Variants in DGKB observed in about 807,000 individuals in gnomAD.
DGKB encodes the protein diacylglycerol kinase beta.
DGKB carries 67 observed loss-of-function variants against 114.3 expected under a neutral mutation model. That is an observed-to-expected ratio of 0.59 (90% CI 0.48 to 0.72). The LOEUF (loss-of-function observed/expected upper bound fraction) is 0.72, where lower values mean the gene tolerates loss of function less well. Ranked by LOEUF, DGKB falls within the 30% of genes least tolerant of loss-of-function variation. DGKB has a pLI of 0.00. For missense variants in DGKB, 907 were observed against 975.2 expected (o/e 0.93, Z 0.93); for synonymous variants, 398 against 323.1 (o/e 1.23, Z -2.49).
chr7:14,160,048 T>G (rs1477111610), intron 25 of DGKB, among the ~76,000 whole-genome samples: 2 of 152,132 alleles, frequency 1.3e-5, no homozygotes, highest in Non-Finnish European at 1.5e-5. Flanking sequence ...TCATGTTTAA[T>G]AATAGCTATT....
At chr7:14,769,111 AAGAAAGAAAGAAAGAG>A (rs1320453823) in intron 2 of DGKB, among the ~76,000 whole-genome samples, 1,875 of 129,490 alleles carry the variant, frequency 0.014, 54 homozygotes, top group East Asian at 0.047. Context: ...GAAAGAAAGA[AAGAAAGAAAGAAAGAG>A]AGAGAGAGAA....
intron 23 of DGKB, among the ~76,000 whole-genome samples, chr7:14,257,060 G>T (rs567484755): frequency 1.3e-5 from 2 of 152,166 alleles, no homozygotes; most frequent in East Asian, 3.9e-4. Flanking sequence ...CTATTGGGGT[G>T]GCTGAGGTGG....
upstream of DGKB, among the ~76,000 whole-genome samples, chr7:14,907,998 T>C (rs1449227486): frequency 2.0e-4 from 31 of 152,212 alleles, no homozygotes; most frequent in African/African-American, 2.4e-5. Context: ...ATTGTAGTTG[T>C]CCAACTGAAG....
chr7:14,362,127 T>G (rs1815867709), intron 21 of DGKB, among the ~76,000 whole-genome samples: 1 of 152,058 alleles, frequency 6.6e-6, no homozygotes, highest in Non-Finnish European at 1.5e-5. Context: ...ACTGTCGTTT[T>G]GTACCAATCA....
chr7:14,308,744 G>A (rs1305406296), intron 23 of DGKB, among the ~76,000 whole-genome samples: 2 of 152,180 alleles, frequency 1.3e-5, no homozygotes, highest in Admixed American at 1.3e-4. Context: ...AACCTGATGG[G>A]AAGCTTAAGT....
At chr7:14,478,423 T>G (rs1782514065) in intron 20 of DGKB, among the ~76,000 whole-genome samples, 198 bp from the exon 21 acceptor site, 2 of 152,194 alleles carry the variant, frequency 1.3e-5, no homozygotes, top group Non-Finnish European at 2.9e-5. Flanking sequence ...GCAGAAGTGA[T>G]TTACGTAATA....
chr7:14,155,889 A>C (rs942142160), intron 25 of DGKB, among the ~76,000 whole-genome samples: 16 of 152,100 alleles, frequency 1.1e-4, no homozygotes, highest in African/African-American at 3.9e-4. Context: ...GGGTCTGTGC[A>C]TGTGGTGTTC....
intron 21 of DGKB, among the ~76,000 whole-genome samples, chr7:14,471,139 A>G (rs866520170): frequency 1.3e-5 from 2 of 148,992 alleles, no homozygotes; most frequent in Non-Finnish European, 3.0e-5. Flanking sequence ...TGATTTTTCT[A>G]TTCTTAGAAA....
chr7:14,953,280 T>C (rs1253126278), intron 1 of DGKB, among the ~76,000 whole-genome samples: 1 of 152,132 alleles, frequency 6.6e-6, no homozygotes, highest in Non-Finnish European at 1.5e-5. Context: ...AACTACTGAA[T>C]GGATAAAGTA....
intron 21 of DGKB, among the ~76,000 whole-genome samples, chr7:14,414,431 A>G (rs1240807143): frequency 1.3e-5 from 2 of 152,240 alleles, no homozygotes; most frequent in South Asian, 4.1e-4. Flanking sequence ...ATAGTGTGGT[A>G]CAGCTGCAGA....
intron 1 of DGKB, among the ~76,000 whole-genome samples, chr7:14,844,167 T>C (rs190725512): frequency 1.8e-3 from 276 of 152,332 alleles, no homozygotes; most frequent in Non-Finnish European, 3.3e-3. Flanking sequence ...GTGAAGCATA[T>C]AGAAAAGTTC....
chr7:14,951,597 T>C (rs561624783), intron 1 of DGKB, among the ~76,000 whole-genome samples: 20 of 152,134 alleles, frequency 1.3e-4, no homozygotes, highest in African/African-American at 4.8e-4. Context: ...CATATCATTA[T>C]ATATTTGTCA....
chr7:14,634,073 A>G (rs1453774798), intron 13 of DGKB, among the ~76,000 whole-genome samples: 1 of 151,484 alleles, frequency 6.6e-6, no homozygotes, highest in African/African-American at 2.4e-5. Context: ...TCACATTAAA[A>G]GGGTCATTAG....
chr7:14,542,407 T>C (rs1793610450), intron 20 of DGKB, among the ~76,000 whole-genome samples: 1 of 152,176 alleles, frequency 6.6e-6, no homozygotes, highest in Middle Eastern at 3.2e-3. Context: ...AAACATGACT[T>C]GTACTACCCG....
chr7:14,910,497 G>T (rs1031585112), intron 1 of DGKB, among the ~76,000 whole-genome samples: 1 of 151,928 alleles, frequency 6.6e-6, no homozygotes, highest in South Asian at 2.1e-4. Flanking sequence ...TACCAAAATT[G>T]TTCATTTTAG....
intron 20 of DGKB, among the ~76,000 whole-genome samples, chr7:14,490,962 T>A (rs574888704): frequency 2.0e-5 from 3 of 152,008 alleles, no homozygotes; most frequent in Non-Finnish European, 2.9e-5. Context: ...TTTTTTTTTT[T>A]AATGCAGAAA....
At chr7:14,493,623 G>A (rs1285248485) in intron 20 of DGKB, among the ~76,000 whole-genome samples, 6 of 152,010 alleles carry the variant, frequency 3.9e-5, no homozygotes, top group South Asian at 2.1e-4. Flanking sequence ...CATATTCAAC[G>A]TGGATTCCCT....
chr7:14,737,283 ATTTTTTTTTTTTTTTT>A (rs11348925), intron 4 of DGKB, among the ~76,000 whole-genome samples: 17 of 82,510 alleles, frequency 2.1e-4, no homozygotes, highest in African/African-American at 6.9e-4. Context: ...TTGAAGGCCA[ATTTTTTTTTTTTTTTT>A]TTTTTTTTTT....
intron 13 of DGKB, among the ~76,000 whole-genome samples, chr7:14,634,053 A>T (rs1810261511): frequency 6.6e-6 from 1 of 151,578 alleles, no homozygotes; most frequent in Non-Finnish European, 1.5e-5. Flanking sequence ...ATATAATGAG[A>T]GCACAGTACT....
Sources: gnomAD v4.1 joint callset for allele counts (sites outside exome capture counted in the v4.1 genomes callset) on GRCh38, gnomAD v4.1.1 for gene constraint, MANE v1.5 for transcripts, NCBI Gene and HGNC (gene_info 2026-07-23, HGNC 2026-07-21) for gene names.